The following IGF1R variants were observed in gnomAD, a reference collection of about 807,000 sequenced individuals.
The protein encoded by IGF1R is insulin-like growth factor 1 receptor.
In IGF1R, 44 loss-of-function variants were observed where a neutral mutation model predicts 144.6. That is an observed-to-expected ratio of 0.30 (90% confidence interval 0.24 to 0.39). The LOEUF (loss-of-function observed/expected upper bound fraction) is 0.39, where lower values mean the gene tolerates loss of function less well. IGF1R is among the 10% of genes least tolerant of loss of function. The pLI is 1.00. For missense variants in IGF1R, 1,355 were observed against 1,833.7 expected (o/e 0.74, Z 4.77); for synonymous variants, 795 against 722.8 (o/e 1.10, Z -1.60).
chr15:98,675,033 G>T (rs1276023236), intron 1 of IGF1R, among the ~76,000 whole-genome samples: 3 of 137,216 alleles, frequency 2.2e-5, no homozygotes, highest in Non-Finnish European at 4.5e-5. Context: ...GCCCAGGCTG[G>T]AGTGGACTGC....
chr15:98,806,821 A>G (rs949075472), intron 2 of IGF1R, among the ~76,000 whole-genome samples: 2 of 152,156 alleles, frequency 1.3e-5, no homozygotes, highest in African/African-American at 4.8e-5. Context: ...TGAGAGCTTT[A>G]GGGCACAGCT....
At chr15:98,876,365 C>T (rs1000785080) in intron 2 of IGF1R, among the ~76,000 whole-genome samples, 2 of 150,992 alleles carry the variant, frequency 1.3e-5, no homozygotes, top group South Asian at 2.1e-4. Context: ...CCTTCATCCA[C>T]GTTTTATAAA....
chr15:98,873,967 A>G (rs2012919856), intron 2 of IGF1R: 1 of 152,142 alleles, frequency 6.6e-6, no homozygotes, highest in South Asian at 2.1e-4. Context: ...GCTGCCTACC[A>G]CACCTCGTGG....
chr15:98,916,910 A>G, intron 10 of IGF1R, 34 bp downstream of exon 10: 3 of 1,585,468 alleles, frequency 1.9e-6, no homozygotes, highest in Non-Finnish European at 2.6e-6. Context: ...AGTTGGCAAA[A>G]CCCACTGCTC....
At chr15:98,874,221 G>A (rs1332072297) in intron 2 of IGF1R, among the ~76,000 whole-genome samples, 1 of 152,186 alleles carries the variant, frequency 6.6e-6, no homozygotes, top group African/African-American at 2.4e-5. Flanking sequence ...CATCTGTGAA[G>A]CAGAAGAAAA....
At chr15:98,814,571 C>T (rs1258785319) in intron 2 of IGF1R, among the ~76,000 whole-genome samples, 1 of 152,192 alleles carries the variant, frequency 6.6e-6, no homozygotes, top group Non-Finnish European at 1.5e-5. Context: ...TAGTCTCAGA[C>T]TTCTGGCCTC....
Position 98,961,071 on chromosome 15 carries a change from C to G in IGF1R, c.*3629C>G, listed in dbSNP as rs184165746. 2.3e-4 allele frequency: 53 copies of G among 233,644 alleles called. No homozygotes were observed. Among genetic ancestry groups the G allele is most frequent in the Admixed American group, 2.1e-3 (37 of 17,802 alleles). 14.5% of individuals were successfully genotyped at this position (233,644 alleles called of 1,614,324 possible). On this transcript the variant is annotated 3_prime_UTR_variant, in exon 21 of 21. Coordinates refer to ENST00000650285, the MANE Select transcript of IGF1R (RefSeq NM_000875.5). ...TGGATGGCTCCTCGGCAATTCCAGC[C>G]TAAGTGAAGGCGCTCAGGAGCCTCC... is the stretch of plus-strand genomic sequence containing the variant.
chr15:98,872,439 G>A (rs1276372484), intron 2 of IGF1R, among the ~76,000 whole-genome samples: 1 of 152,174 alleles, frequency 6.6e-6, no homozygotes, highest in East Asian at 1.9e-4. Context: ...ATGCGAGACT[G>A]GACATCTCTC....
chr15:98,680,994 A>G (rs1039657815), intron 1 of IGF1R, among the ~76,000 whole-genome samples: 2 of 152,024 alleles, frequency 1.3e-5, no homozygotes, highest in Non-Finnish European at 1.5e-5. Context: ...AATGCACTAC[A>G]GGTTTGCAGG....
chr15:98,695,167 T>A (rs1424944567), intron 1 of IGF1R, among the ~76,000 whole-genome samples: 1 of 152,242 alleles, frequency 6.6e-6, no homozygotes, highest in African/African-American at 2.4e-5. Flanking sequence ...TTCAGTGGGA[T>A]ATAAGGTCTG....
At chr15:98,871,598 T>G (rs915693305) in intron 2 of IGF1R, among the ~76,000 whole-genome samples, 17 of 152,152 alleles carry the variant, frequency 1.1e-4, no homozygotes, top group African/African-American at 4.1e-4. Context: ...GGACTCACAG[T>G]TTCATGTGAC....
intron 2 of IGF1R, among the ~76,000 whole-genome samples, chr15:98,796,514 G>A (rs1205747399): frequency 6.6e-6 from 1 of 152,154 alleles, no homozygotes; most frequent in Admixed American, 6.5e-5. Flanking sequence ...AGACCCCATA[G>A]TCCTGTGGTT....
intron 15 of IGF1R, 96 bp from the exon 16 acceptor site, chr15:98,934,728 G>T: frequency 3.0e-6 from 3 of 1,005,428 alleles, no homozygotes. Flanking sequence ...GTTTAAGGAA[G>T]CAGCATCTTA....
intron 5 of IGF1R, among the ~76,000 whole-genome samples, chr15:98,906,299 A>G (rs140176408): frequency 6.6e-5 from 10 of 152,228 alleles, no homozygotes; most frequent in Admixed American, 3.3e-4. Context: ...TTCTGGGTGT[A>G]GATGGAAGTT....
intron 2 of IGF1R, among the ~76,000 whole-genome samples, chr15:98,798,483 G>A (rs188862511): frequency 1.5e-4 from 23 of 152,284 alleles, no homozygotes; most frequent in Admixed American, 3.9e-4. Context: ...TGGCAGCTGC[G>A]TTAAGAGAGA....
In IGF1R at chr15:98,786,747, T is replaced by C. The variant is rs537594991; in HGVS notation, c.640+78640T>C. On this transcript the variant is annotated intron_variant, in intron 2 of 20. Coordinates refer to ENST00000650285, the MANE Select transcript of IGF1R (RefSeq NM_000875.5). ...TTAGAATAGTTTGGGGAGGACATTG[T>C]GCTCTGGCCAATAACTGGGCCAGTG... Among the ~76,000 whole-genome samples the C allele has an allele frequency of 2.1e-4, 32 of 152,342 alleles. 1 individual carries two copies. In the South Asian group the frequency reaches 6.4e-3, roughly 31 times the overall value.
chr15:98,653,274 T>G (rs74599491), intron 1 of IGF1R, among the ~76,000 whole-genome samples: 5 of 152,276 alleles, frequency 3.3e-5, no homozygotes, highest in African/African-American at 1.2e-4. Flanking sequence ...GAAATGATGG[T>G]TTTTTTCAGG....
chr15:98,781,854 T>G (rs1042313935), intron 2 of IGF1R, among the ~76,000 whole-genome samples: 1 of 152,188 alleles, frequency 6.6e-6, no homozygotes, highest in African/African-American at 2.4e-5. Flanking sequence ...TATTCCAGGT[T>G]TAAGAGTCTT....
At position 98,649,030 on chromosome 15, in the gene IGF1R, C is replaced by CAGGAGGAGGAGGAGG. The variant is rs139163109; in HGVS notation, c.-548_-534dup. 7 of 209,982 alleles carry CAGGAGGAGGAGGAGG rather than the reference C, an allele frequency of 3.3e-5. No individual in the cohort carries two copies. Among genetic ancestry groups the CAGGAGGAGGAGGAGG allele is most frequent in the South Asian group, 1.7e-4 (1 of 5,832 alleles). The allele number at this position is 209,982 out of a possible 1,614,324, so 13.0% of individuals were successfully genotyped here. The stretch of plus-strand genomic sequence containing the variant: ...GGGAGGAGGCGGCGGCGAGCGGAGC[C>CAGGAGGAGGAGGAGG]AGGAGGAGGAGGAGGAGGGGGAGCC... On this transcript the variant is annotated 5_prime_UTR_variant, in exon 1 of 21. Coordinates refer to ENST00000650285, the MANE Select transcript of IGF1R (RefSeq NM_000875.5).
Sources: allele counts gnomAD v4.1 joint callset (sites outside exome capture counted in the v4.1 genomes callset), GRCh38; gene constraint gnomAD v4.1.1; transcripts MANE v1.5; gene names NCBI Gene and HGNC (gene_info 2026-07-23, HGNC 2026-07-21).